Variants in THSD4 observed in about 807,000 individuals in gnomAD.
THSD4 encodes the protein thrombospondin type 1 domain containing 4.
Under a neutral mutation model 119.0 loss-of-function variants are expected in THSD4, and 69 were observed. The observed-to-expected ratio is 0.58, with a 90% confidence interval of 0.48 to 0.71. The LOEUF (loss-of-function observed/expected upper bound fraction) is 0.71, where lower values mean the gene tolerates loss of function less well. Among genes scored for constraint, THSD4 ranks in the 30% least tolerant of loss-of-function variants. The pLI is 0.00. For missense variants in THSD4, 1,393 were observed against 1,391.1 expected (o/e 1.00, Z -0.02); for synonymous variants, 524 against 540.4 (o/e 0.97, Z 0.42).
In THSD4 at chr15:71,427,705, A is replaced by AT. The variant is rs1303644588; in HGVS notation, c.1152+15884dup. Among the ~76,000 whole-genome samples the AT allele has an allele frequency of 4.0e-5, 6 of 150,970 alleles. No homozygotes were observed. In the Admixed American group the frequency reaches 4.0e-4, roughly 10 times the overall value. On this transcript the variant is annotated intron_variant, in intron 7 of 17. Coordinates refer to ENST00000261862, the MANE Select transcript of THSD4 (RefSeq NM_024817.3). ...AATCTGGTCTACTTCTGGTGGTGCC[A>AT]TTCTTAGTTCCTCCAAGGTATGCAC...
intron 1 of THSD4, among the ~76,000 whole-genome samples, chr15:71,136,177 G>A (rs2040550676): frequency 6.6e-6 from 1 of 151,666 alleles, no homozygotes; most frequent in Admixed American, 6.6e-5. Flanking sequence ...CCCATCTCAG[G>A]TGGGACGATC....
chr15:71,325,287 C>T lies in THSD4; in HGVS notation c.1015+68572C>T, dbSNP rs559528834. 2.0e-4 allele frequency among the ~76,000 whole-genome samples: 31 copies of T among 152,288 alleles called. 1 individual carries two copies. Among genetic ancestry groups the T allele is most frequent in the African/African-American group, 7.0e-4 (29 of 41,568 alleles). ...GAAAAATGAGACTGTTATCTGTAAC[C>T]TCCAGTATGCTATCCTCCTTTTCCT... On this transcript the variant is annotated intron_variant, in intron 6 of 17. Coordinates refer to ENST00000261862, the MANE Select transcript of THSD4 (RefSeq NM_024817.3).
chr15:71,616,486 A>G (rs1304305704), intron 7 of THSD4, among the ~76,000 whole-genome samples: 2 of 152,208 alleles, frequency 1.3e-5, no homozygotes, highest in African/African-American at 4.8e-5. Context: ...ACAATTGAGA[A>G]AGAGATGGCA....
chr15:71,199,647 GGTGT>G (rs1294128066), intron 3 of THSD4, among the ~76,000 whole-genome samples: 72 of 128,520 alleles, frequency 5.6e-4, no homozygotes, highest in Admixed American at 5.6e-4. Flanking sequence ...GTGTGTGTGT[GGTGT>G]GTGTGTGTGA....
At chr15:71,725,431 T>C (rs1326918059) in intron 8 of THSD4, among the ~76,000 whole-genome samples, 2 of 152,194 alleles carry the variant, frequency 1.3e-5, no homozygotes, top group Admixed American at 1.3e-4. Flanking sequence ...AAATTGCTCA[T>C]GAAAGGAATA....
At chr15:71,298,608 C>CTT (rs60709646) in intron 6 of THSD4, among the ~76,000 whole-genome samples, 121 of 90,242 alleles carry the variant, frequency 1.3e-3, no homozygotes, top group Admixed American at 2.4e-3. Flanking sequence ...TATGTGCTGA[C>CTT]TTTTTTTTTT....
intron 3 of THSD4, among the ~76,000 whole-genome samples, chr15:71,190,874 A>G (rs887787948): frequency 6.6e-6 from 1 of 151,718 alleles, no homozygotes; most frequent in Non-Finnish European, 1.5e-5. Context: ...AGACTCCCCA[A>G]CTCTCAGCCC....
intron 4 of THSD4, among the ~76,000 whole-genome samples, chr15:71,226,927 G>T (rs142200776): frequency 2.6e-3 from 390 of 151,490 alleles, no homozygotes; most frequent in Non-Finnish European, 3.9e-3. Context: ...ATTTTTGTGT[G>T]TTTTTTTTTA....
chr15:71,627,361 T>C (rs2050529518), intron 7 of THSD4, among the ~76,000 whole-genome samples: 1 of 152,222 alleles, frequency 6.6e-6, no homozygotes, highest in African/African-American at 2.4e-5. Flanking sequence ...GCATTGGCTT[T>C]TGATCAGTGA....
chr15:71,724,345 G>A (rs1409410379), intron 8 of THSD4, among the ~76,000 whole-genome samples: 1 of 144,950 alleles, frequency 6.9e-6, no homozygotes, highest in Non-Finnish European at 1.5e-5. Context: ...GAGTGCAGTG[G>A]CGTGGTCTCG....
intron 7 of THSD4, among the ~76,000 whole-genome samples, chr15:71,583,472 A>G (rs1190350030): frequency 7.0e-6 from 1 of 142,490 alleles, no homozygotes; most frequent in East Asian, 2.0e-4. Flanking sequence ...TTTTTTTCCT[A>G]GTTCTTTGAG....
chr15:71,542,783 A>G (rs62026276), intron 7 of THSD4, among the ~76,000 whole-genome samples: 5 of 151,888 alleles, frequency 3.3e-5, no homozygotes, highest in Non-Finnish European at 5.9e-5. Context: ...ACGCTGAGGC[A>G]GGAGAATGGC....
intron 8 of THSD4, among the ~76,000 whole-genome samples, chr15:71,663,173 G>A (rs1362917840): frequency 3.3e-5 from 5 of 152,044 alleles, no homozygotes; most frequent in Non-Finnish European, 1.5e-5. Flanking sequence ...GATCACTTGG[G>A]CCCAAGAGGT....
At chr15:71,284,366 A>C (rs1167806954) in intron 6 of THSD4, among the ~76,000 whole-genome samples, 1 of 152,206 alleles carries the variant, frequency 6.6e-6, no homozygotes, top group Non-Finnish European at 1.5e-5. Flanking sequence ...TTATATATTG[A>C]GAACAGAAAT....
intron 7 of THSD4, among the ~76,000 whole-genome samples, chr15:71,642,059 A>G (rs1567077767): frequency 6.6e-6 from 1 of 152,238 alleles, no homozygotes; most frequent in Non-Finnish European, 1.5e-5. Context: ...GACCGTACAC[A>G]GAGAGAAGAG....
At chr15:71,727,842 G>T (rs2052892433) in intron 8 of THSD4, among the ~76,000 whole-genome samples, 1 of 150,026 alleles carries the variant, frequency 6.7e-6, no homozygotes, top group Admixed American at 6.7e-5. Flanking sequence ...TATGATAAAT[G>T]ATATAAATCA....
intron 7 of THSD4, among the ~76,000 whole-genome samples, chr15:71,631,865 C>T (rs1341181560): frequency 1.3e-5 from 2 of 152,164 alleles, no homozygotes; most frequent in African/African-American, 4.8e-5. Context: ...GTTCAGGGAA[C>T]TATCATTCCG....
chr15:71,317,379 T>C (rs112258829), intron 6 of THSD4, among the ~76,000 whole-genome samples: 2,094 of 152,312 alleles, frequency 0.014, 15 homozygotes, highest in Middle Eastern at 0.024. Context: ...TCCACATGGC[T>C]ATGGAGGCTT....
At position 71,450,936 on chromosome 15, in the gene THSD4, G is replaced by A. The variant is rs573707597; in HGVS notation, c.1152+39113G>A. 2.0e-5 allele frequency among the ~76,000 whole-genome samples: 3 copies of A among 152,284 alleles called. No individual in the cohort carries two copies. In the South Asian group the frequency reaches 6.2e-4, roughly 32 times the overall value. On this transcript the variant is annotated intron_variant, in intron 7 of 17. Transcript: ENST00000261862. ...CATACTCCTGTAATCTCAGCACTTTGGGAGGCCAGAGCGGATGGATTGCTT... is the reference window on the plus strand; with the variant it reads ...CATACTCCTGTAATCTCAGCACTTTAGGAGGCCAGAGCGGATGGATTGCTT...
Sources: allele counts gnomAD v4.1 joint callset (sites outside exome capture counted in the v4.1 genomes callset), GRCh38; gene constraint gnomAD v4.1.1; transcripts MANE v1.5; gene names NCBI Gene and HGNC (gene_info 2026-07-23, HGNC 2026-07-21).